The following MCOLN2 variants were observed in gnomAD, a reference collection of about 807,000 sequenced individuals.
The protein encoded by MCOLN2 is mucolipin-2.
Under a neutral mutation model 67.5 loss-of-function variants are expected in MCOLN2, and 57 were observed. The observed-to-expected ratio is 0.84, with a 90% confidence interval of 0.68 to 1.05. The LOEUF (loss-of-function observed/expected upper bound fraction) is 1.05, where lower values mean the gene tolerates loss of function less well. Among genes scored for constraint, MCOLN2 ranks in the 50% least tolerant of loss-of-function variants. The pLI is 0.00. For synonymous variants in MCOLN2, 246 were observed against 233.3 expected, an observed-to-expected ratio of 1.05 and a Z score of -0.50; for missense variants, 620 against 678.8, an observed-to-expected ratio of 0.91 and a Z score of 0.96.
At chr1:84,965,491 G>T in intron 2 of MCOLN2, 58 bp downstream of exon 2, 1 of 1,562,358 alleles carries the variant, frequency 6.4e-7, no homozygotes, top group Non-Finnish European at 8.7e-7. Flanking sequence ...CAGAACACAT[G>T]AAAAGAGTTT....
At chr1:84,968,402 T>C (rs886176676) in intron 1 of MCOLN2, among the ~76,000 whole-genome samples, 3 of 152,134 alleles carry the variant, frequency 2.0e-5, no homozygotes, top group Non-Finnish European at 4.4e-5. Flanking sequence ...AGGTTCATCC[T>C]AAGACTTGGC....
At chr1:84,987,439 G>GAT (rs1553158861) in intron 1 of MCOLN2, among the ~76,000 whole-genome samples, 9 of 97,642 alleles carry the variant, frequency 9.2e-5, no homozygotes, top group Non-Finnish European at 1.5e-4. Flanking sequence ...TACGTATATA[G>GAT]ATATATACAT....
At chr1:84,967,226 A>G (rs964350111) in intron 1 of MCOLN2, among the ~76,000 whole-genome samples, 1 of 152,210 alleles carries the variant, frequency 6.6e-6, no homozygotes, top group African/African-American at 2.4e-5. Context: ...CAATATTTGA[A>G]TTCCTGGATC....
rs1289528410 is a variant in MCOLN2, at chr1:84,969,565, T to C, written c.78-3857A>G. ...CAGTCTGGATGACAGAGTAAGACTC[T>C]GCCTCAAAAAAAAAAAAAAAAAAGA... On this transcript the variant is annotated intron_variant, in intron 1 of 13. Coordinates refer to ENST00000370608, the MANE Select transcript of MCOLN2 (RefSeq NM_153259.4). Among the ~76,000 whole-genome samples, 3 of 136,416 alleles carry C rather than the reference T, an allele frequency of 2.2e-5. No homozygotes were observed. The East Asian group carries it at 6.5e-4, about 29-fold the overall frequency. 89.5% of individuals were successfully genotyped at this position (136,416 alleles called of 152,430 possible). A position where few individuals can be genotyped will look rare whatever the true frequency, so the allele number is the denominator to read the frequency against.
Position 84,956,662 on chromosome 1 carries a change from C to T in MCOLN2, c.412-78G>A, listed in dbSNP as rs551326557. ...CAGAGGTTATAGCATATAGAATGTA[C>T]TTTCAGTTACTTTGTATTGTTTACA... On this transcript the variant is annotated intron_variant, in intron 3 of 13. Coordinates refer to ENST00000370608, the MANE Select transcript of MCOLN2 (RefSeq NM_153259.4). 18 of 1,191,670 alleles carry T rather than the reference C, an allele frequency of 1.5e-5. No individual in the cohort carries two copies. In the East Asian group the frequency reaches 4.7e-4, roughly 31 times the overall value. The allele number at this position is 1,191,670 out of a possible 1,614,324, so 73.8% of individuals were successfully genotyped here. A position where few individuals can be genotyped will look rare whatever the true frequency, so the allele number is the denominator to read the frequency against.
intron 3 of MCOLN2, 85 bp downstream of exon 3, chr1:84,958,444 G>T: frequency 9.4e-7 from 1 of 1,064,738 alleles, no homozygotes; most frequent in Non-Finnish European, 1.3e-6. Context: ...ATTTTAACAT[G>T]TGTATAATTT....
rs1661214243 is a variant in MCOLN2 at position 84,927,344 on chromosome 1, TC to T, written c.1665-624del. Among the ~76,000 whole-genome samples, 3 of 152,202 alleles carry T rather than the reference TC, an allele frequency of 2.0e-5. No homozygotes were observed. The South Asian group carries it at 6.2e-4, about 32-fold the overall frequency. ...AAATTACTAGAACAGCCAATTTTCCTCCTTCACTGCAATAGAGGAAGGTAAA... is the reference window on the plus strand; with the variant it reads ...AAATTACTAGAACAGCCAATTTTCCTCTTCACTGCAATAGAGGAAGGTAAA... On this transcript the variant is annotated intron_variant, in intron 13 of 13. Coordinates refer to ENST00000370608, the MANE Select transcript of MCOLN2 (RefSeq NM_153259.4).
chr1:84,942,347 C>T (rs1251805699), intron 7 of MCOLN2, among the ~76,000 whole-genome samples: 4 of 152,102 alleles, frequency 2.6e-5, no homozygotes, highest in African/African-American at 9.7e-5. Context: ...TCTCTGGAGC[C>T]CGACAGCCTG....
intron 11 of MCOLN2, among the ~76,000 whole-genome samples, chr1:84,934,054 C>T (rs1213510603): frequency 6.6e-6 from 1 of 152,150 alleles, no homozygotes; most frequent in Non-Finnish European, 1.5e-5. Context: ...AATGTGCTTC[C>T]AGTCTAGAAG....
Position 84,987,499 on chromosome 1 carries a change from C to CCT in MCOLN2, c.77+9296_77+9297insAG, listed in dbSNP as rs367546536. 2.0e-4 allele frequency among the ~76,000 whole-genome samples: 8 copies of CCT among 39,130 alleles called. 1 individual carries two copies. The highest frequency in any genetic ancestry group is 3.0e-4 in the Non-Finnish European group (7 of 23,446). The allele number at this position is 39,130 out of a possible 152,430, so 25.7% of individuals were successfully genotyped here. Reference sequence around the variant, plus strand: ...ATATATACATATATACATATGTATACATAGATGTATACATATGTATATATG... The same window carrying CCT: ...ATATATACATATATACATATGTATACCTATAGATGTATACATATGTATATATG... On this transcript the variant is annotated intron_variant, in intron 1 of 13. Transcript: ENST00000370608.
intron 11 of MCOLN2, among the ~76,000 whole-genome samples, chr1:84,931,991 T>G (rs1404049151): frequency 3.3e-5 from 5 of 151,726 alleles, no homozygotes; most frequent in Admixed American, 6.6e-5. Context: ...GCCACTGCAC[T>G]GCAGCCTGGG....
At chr1:84,929,040 A>C (rs1413386096) in intron 13 of MCOLN2, among the ~76,000 whole-genome samples, 1 of 152,212 alleles carries the variant, frequency 6.6e-6, no homozygotes, top group Non-Finnish European at 1.5e-5. Flanking sequence ...ACTGAGGTCT[A>C]GACCATTTCT....
intron 6 of MCOLN2, among the ~76,000 whole-genome samples, chr1:84,951,767 G>A (rs184092305): frequency 1.5e-4 from 23 of 152,286 alleles, no homozygotes; most frequent in Admixed American, 1.4e-3. Flanking sequence ...AATGGTCTCT[G>A]GATCAACAAT....
At chr1:84,954,223 A>G (rs1458745728) in intron 4 of MCOLN2, among the ~76,000 whole-genome samples, 2 of 152,202 alleles carry the variant, frequency 1.3e-5, no homozygotes, top group African/African-American at 4.8e-5. Flanking sequence ...CAGGGCCCAG[A>G]GCTAAACAGA....
intron 1 of MCOLN2, among the ~76,000 whole-genome samples, chr1:84,988,223 T>C (rs1351593957): frequency 6.6e-6 from 1 of 152,024 alleles, no homozygotes; most frequent in African/African-American, 2.4e-5. Flanking sequence ...TTTTAATTTT[T>C]GCTTTTTTAA....
At position 84,937,819 on chromosome 1, in the gene MCOLN2, G is replaced by T. The variant is rs760278838; in HGVS notation, c.1271C>A (p.Ala424Asp). The change falls in exon 11 of 14, where the codon GCT becomes GAT. Residue 424 changes from alanine (A) to aspartate (D), a missense_variant. Coordinates refer to ENST00000370608, the MANE Select transcript of MCOLN2 (RefSeq NM_153259.4). ...LPKVLRFCAC[A>D]GMIYLGYTFC... ...TGTGTAACCCAGATAAATCATACCA[G>T]CACAAGCACAAAACCGAAGAACTTT... 22 of 1,614,018 alleles carry T rather than the reference G, an allele frequency of 1.4e-5. No homozygotes were observed. The East Asian group carries it at 4.5e-4, about 33-fold the overall frequency.
chr1:84,982,853 C>A (rs1650326799), intron 1 of MCOLN2, among the ~76,000 whole-genome samples: 1 of 152,062 alleles, frequency 6.6e-6, no homozygotes, highest in Non-Finnish European at 1.5e-5. Context: ...CAGGCACCTG[C>A]TACCATGCCC....
chr1:84,941,282 G>A (rs1647765473), intron 7 of MCOLN2, among the ~76,000 whole-genome samples: 1 of 152,090 alleles, frequency 6.6e-6, no homozygotes, highest in Admixed American at 6.5e-5. Flanking sequence ...GGATCACGAG[G>A]TCAGGAGATC....
At chr1:84,995,961 C>A (rs12744512) in intron 1 of MCOLN2, among the ~76,000 whole-genome samples, 2 of 152,152 alleles carry the variant, frequency 1.3e-5, no homozygotes, top group African/African-American at 4.8e-5. Flanking sequence ...TTTTAGAGTT[C>A]CGGCCACAGA....
Sources: allele counts gnomAD v4.1 joint callset (sites outside exome capture counted in the v4.1 genomes callset), GRCh38; gene constraint gnomAD v4.1.1; transcripts MANE v1.5; gene names NCBI Gene and HGNC (gene_info 2026-07-23, HGNC 2026-07-21).